Variants in POLR3B observed in about 807,000 individuals in gnomAD.
POLR3B encodes RNA polymerase III subunit B, also known as DNA-directed RNA polymerase III subunit RPC2.
Under a neutral mutation model 147.4 loss-of-function variants are expected in POLR3B, and 96 were observed. The observed-to-expected ratio is 0.65, with a 90% CI of 0.55 to 0.77. The LOEUF is 0.77. Ranked by LOEUF, POLR3B falls within the 30% of genes least tolerant of loss-of-function variation. The pLI is 0.00. For synonymous variants in POLR3B, 461 were observed against 485.9 expected (o/e 0.95, Z 0.67); for missense variants, 1,036 against 1,413.5 (o/e 0.73, Z 4.28).
At chr12:106,393,264 G>A (rs574931698) in intron 10 of POLR3B, 111 bp downstream of exon 10, 3 of 1,457,424 alleles carry the variant, frequency 2.1e-6, no homozygotes, top group African/African-American at 1.4e-5. Context: ...TTTGGGAAAG[G>A]TATTGGGGAG....
At chr12:106,427,072 A>T (rs1020698101) in intron 12 of POLR3B, 125 bp from the exon 13 acceptor site, 3 of 686,376 alleles carry the variant, frequency 4.4e-6, no homozygotes, top group Non-Finnish European at 7.3e-6. Flanking sequence ...GAAAATAGCA[A>T]TTTTTTTTCT....
At chr12:106,411,083 C>T in intron 12 of POLR3B, 123 bp downstream of exon 12, 1 of 808,134 alleles carries the variant, frequency 1.2e-6, no homozygotes, top group Non-Finnish European at 2.0e-6. Flanking sequence ...ATAAACATTT[C>T]ATACCTGACT....
intron 12 of POLR3B, 42 bp downstream of exon 12, chr12:106,411,002 G>A: frequency 6.3e-7 from 1 of 1,586,132 alleles, no homozygotes; most frequent in Non-Finnish European, 8.7e-7. Flanking sequence ...TTTCCTTAAT[G>A]AAAATTAATT....
intron 12 of POLR3B, among the ~76,000 whole-genome samples, chr12:106,416,386 C>G (rs140851398): frequency 6.6e-6 from 1 of 152,142 alleles, no homozygotes; most frequent in African/African-American, 2.4e-5. Flanking sequence ...ATGAACACAG[C>G]GTCAGTACAT....
chr12:106,376,473 G>A, intron 7 of POLR3B, 23 bp downstream of exon 7: 1 of 1,503,912 alleles, frequency 6.6e-7, no homozygotes, highest in East Asian at 2.3e-5. Flanking sequence ...TCTTGGATTT[G>A]TCCCACTTTC....
At chr12:106,493,778 T>G (rs187919175) in intron 23 of POLR3B, among the ~76,000 whole-genome samples, 1 of 152,250 alleles carries the variant, frequency 6.6e-6, no homozygotes, top group African/African-American at 2.4e-5. Flanking sequence ...CTCAGTTCTT[T>G]CTGCTGTTCT....
At chr12:106,445,059 A>ATC (rs1191912301) in intron 19 of POLR3B, among the ~76,000 whole-genome samples, 23 of 152,226 alleles carry the variant, frequency 1.5e-4, no homozygotes, top group Non-Finnish European at 1.5e-4. Context: ...TTGCTAGTGT[A>ATC]TCTCCTAAAA....
chr12:106,404,480 G>T (rs1297190766), intron 10 of POLR3B, among the ~76,000 whole-genome samples: 3 of 152,058 alleles, frequency 2.0e-5, no homozygotes. Flanking sequence ...GGTGTATAGT[G>T]GTATCTCATG....
Position 106,459,696 on chromosome 12 carries a change from G to T in POLR3B, c.2570+328G>T, listed in dbSNP as rs77089358. The stretch of plus-strand genomic sequence containing the variant: ...CTAGGTTGTGAAAGAGTTGGGAATT[G>T]ATACTGCAGAGAGTGACATGATAAG... On this transcript the variant is annotated intron_variant, in intron 22 of 27. Coordinates refer to ENST00000228347, the MANE Select transcript of POLR3B (RefSeq NM_018082.6). 0.025 allele frequency among the ~76,000 whole-genome samples: 3,740 copies of T among 152,228 alleles called. 157 individuals carry two copies. Among genetic ancestry groups the T allele is most frequent in the African/African-American group, 0.085 (3,515 of 41,520 alleles).
At chr12:106,490,602 T>C (rs1459811059) in intron 23 of POLR3B, among the ~76,000 whole-genome samples, 1 of 152,182 alleles carries the variant, frequency 6.6e-6, no homozygotes, top group Admixed American at 6.5e-5. Context: ...ACAAAGCCAA[T>C]ATGATTCAAC....
Position 106,364,969 on chromosome 12 carries a change from A to C in POLR3B, c.105+1067A>C, listed in dbSNP as rs1231648328. Among the ~76,000 whole-genome samples, 5 of 152,268 alleles carry C rather than the reference A, an allele frequency of 3.3e-5. No homozygotes were observed. The East Asian group carries it at 7.7e-4, about 24-fold the overall frequency. ...GCCAACATAGTGAAACCTCGTCTCT[A>C]CTAAAGATACAAAAAATTAGCTGGG... On this transcript the variant is annotated intron_variant, in intron 2 of 27. Coordinates refer to ENST00000228347, the MANE Select transcript of POLR3B (RefSeq NM_018082.6).
chr12:106,500,404 G>A (rs1489155716), intron 25 of POLR3B, among the ~76,000 whole-genome samples: 1 of 152,152 alleles, frequency 6.6e-6, no homozygotes, highest in Admixed American at 6.5e-5. Context: ...AGGGTCACAG[G>A]TGCTGGAGCC....
rs1407472967 is a variant in POLR3B at position 106,509,981 on chromosome 12, G to A, written c.*432G>A. On this transcript the variant is annotated 3_prime_UTR_variant, in exon 28 of 28. Transcript: ENST00000228347. ...AGAATCCATTTGATTTGGTCAGCCT[G>A]GCTTTTGTCGTGGTGGCTGGCTCGG... is the stretch of plus-strand genomic sequence containing the variant. The A allele has an allele frequency of 6.1e-6, 1 of 164,904 alleles. No individual in the cohort carries two copies. The highest frequency in any genetic ancestry group is 1.3e-5 in the Non-Finnish European group (1 of 75,534). The allele number at this position is 164,904 out of a possible 1,614,324, so 10.2% of individuals were successfully genotyped here.
At chr12:106,412,701 C>T (rs941386153) in intron 12 of POLR3B, among the ~76,000 whole-genome samples, 2 of 152,200 alleles carry the variant, frequency 1.3e-5, no homozygotes, top group Admixed American at 6.5e-5. Flanking sequence ...TATTTTCAAC[C>T]TCCAAATCTG....
chr12:106,499,754 G>A (rs1375997778), intron 25 of POLR3B, among the ~76,000 whole-genome samples: 1 of 152,126 alleles, frequency 6.6e-6, no homozygotes, highest in Admixed American at 6.5e-5. Context: ...CCAAGACAAG[G>A]ACAGGGTCTC....
chr12:106,453,609 G>GCAA (rs1289568331), intron 19 of POLR3B, among the ~76,000 whole-genome samples: 1 of 152,148 alleles, frequency 6.6e-6, no homozygotes, highest in African/African-American at 2.4e-5. Flanking sequence ...CAGCAGTAGA[G>GCAA]CAAGCCTGAG....
chr12:106,375,019 C>A (rs2036659297), intron 6 of POLR3B, among the ~76,000 whole-genome samples: 1 of 152,142 alleles, frequency 6.6e-6, no homozygotes, highest in Non-Finnish European at 1.5e-5. Flanking sequence ...CCTATTAGTA[C>A]ATTAGTAACT....
intron 6 of POLR3B, among the ~76,000 whole-genome samples, chr12:106,370,865 C>A (rs960351959): frequency 1.5e-4 from 23 of 152,242 alleles, no homozygotes; most frequent in South Asian, 1.2e-3. Flanking sequence ...CTCCTGACCT[C>A]AGGTGATCCG....
chr12:106,389,747 A>G (rs748505897), intron 9 of POLR3B, among the ~76,000 whole-genome samples: 1 of 152,170 alleles, frequency 6.6e-6, no homozygotes, highest in Non-Finnish European at 1.5e-5. Context: ...AGATTCTGAA[A>G]GCTGGTCATG....
Sources: gnomAD v4.1 joint callset for allele counts (sites outside exome capture counted in the v4.1 genomes callset) on GRCh38, gnomAD v4.1.1 for gene constraint, MANE v1.5 for transcripts, NCBI Gene and HGNC (gene_info 2026-07-23, HGNC 2026-07-21) for gene names.